Variants in CORO2B observed in about 807,000 individuals in gnomAD.
The protein encoded by CORO2B is coronin-2B.
Under a neutral mutation model 58.8 loss-of-function variants are expected in CORO2B, and 26 were observed. That is an observed-to-expected ratio of 0.44 (90% CI 0.32 to 0.61). The LOEUF is 0.61. Among genes scored for constraint, CORO2B ranks in the 20% least tolerant of loss-of-function variants. CORO2B has a pLI of 0.04. For synonymous variants in CORO2B, 242 were observed against 253.8 expected, an observed-to-expected ratio of 0.95 and a Z score of 0.44; for missense variants, 460 against 645.1, an observed-to-expected ratio of 0.71 and a Z score of 3.11.
intron 1 of CORO2B, among the ~76,000 whole-genome samples, chr15:68,639,750 C>T (rs551911113): frequency 6.6e-6 from 1 of 152,302 alleles, no homozygotes; most frequent in African/African-American, 2.4e-5. Flanking sequence ...GCAGCTCTAA[C>T]CATTAAGAAA....
At chr15:68,547,434 C>A in the CORO2B span, among the ~76,000 whole-genome samples, 1 of 152,200 alleles carries the variant, frequency 6.6e-6, no homozygotes, top group African/African-American at 2.4e-5. Context: ...CAGGCATGCA[C>A]AACTCTATCA....
intron 1 of CORO2B, among the ~76,000 whole-genome samples, chr15:68,598,812 G>A (rs1028625399): frequency 6.6e-6 from 1 of 152,308 alleles, no homozygotes; most frequent in South Asian, 2.1e-4. Context: ...GAAAGTTTCT[G>A]TTCTGTCCAG....
rs1326134695 is a variant in CORO2B, at chr15:68,645,132, G to A, written c.16-28G>A. The A allele has an allele frequency of 1.2e-6, 2 of 1,610,470 alleles. No homozygotes were observed. The highest frequency in any genetic ancestry group is 1.7e-6 in the Non-Finnish European group (2 of 1,178,220). ...CCCTTCATGGCACAGGGCCCAGCCTGACCCTTGTCTCTCCTGGCCCCTCAC... is the reference window on the plus strand; with the variant it reads ...CCCTTCATGGCACAGGGCCCAGCCTAACCCTTGTCTCTCCTGGCCCCTCAC... On this transcript the variant is annotated intron_variant, in intron 1 of 11. Transcript: ENST00000261861. This position sits in a 1 kb window ranked among gnomAD's most constrained non-coding sequence, Gnocchi z 4.5.
chr15:68,562,852 C>T, the CORO2B span, among the ~76,000 whole-genome samples: 124 of 151,832 alleles, frequency 8.2e-4, no homozygotes, highest in Non-Finnish European at 1.3e-3. Flanking sequence ...TGGCAGGCGC[C>T]GGTAGAACCA....
chr15:68,610,923 C>T (rs1900232626), intron 1 of CORO2B, among the ~76,000 whole-genome samples: 1 of 152,180 alleles, frequency 6.6e-6, no homozygotes, highest in South Asian at 2.1e-4. Flanking sequence ...ACCTTCCATT[C>T]CACACCCTCG....
chr15:68,579,821 G>A (rs1899382839), intron 1 of CORO2B, among the ~76,000 whole-genome samples: 1 of 152,260 alleles, frequency 6.6e-6, no homozygotes, highest in Non-Finnish European at 1.5e-5. Flanking sequence ...CAGAGACAGG[G>A]CAGGTCCAGG....
intron 2 of CORO2B, among the ~76,000 whole-genome samples, chr15:68,674,581 G>A (rs920245505): frequency 1.3e-5 from 2 of 152,180 alleles, no homozygotes; most frequent in Non-Finnish European, 2.9e-5. Flanking sequence ...TCAAGCAAGT[G>A]CCCTCCCCAA....
At chr15:68,644,963 CA>C (rs1343425599) in intron 1 of CORO2B, among the ~76,000 whole-genome samples, 196 bp from the exon 2 acceptor site, 1 of 152,170 alleles carries the variant, frequency 6.6e-6, no homozygotes. Flanking sequence ...AGATGAAACC[CA>C]CTAGAACGGG....
At chr15:68,638,716 T>C (rs1901113489) in intron 1 of CORO2B, among the ~76,000 whole-genome samples, 1 of 152,222 alleles carries the variant, frequency 6.6e-6, no homozygotes, top group African/African-American at 2.4e-5. Context: ...TTTTGATAGC[T>C]TGTGACTTTG....
chr15:68,653,586 G>A (rs112987625), intron 2 of CORO2B, among the ~76,000 whole-genome samples: 7,458 of 152,216 alleles, frequency 0.049, 408 homozygotes, highest in African/African-American at 0.14. Context: ...TCCCCTGAAA[G>A]CCCTTAGAAC....
intron 2 of CORO2B, among the ~76,000 whole-genome samples, chr15:68,650,378 A>ATGGAG (rs1901603454): frequency 8.5e-5 from 2 of 23,664 alleles, no homozygotes; most frequent in African/African-American, 4.2e-4. Context: ...AAAAAAAAAA[A>ATGGAG]AAAAAAAAAA....
chr15:68,600,164 C>CCT (rs1019966746), intron 1 of CORO2B, among the ~76,000 whole-genome samples: 1 of 152,192 alleles, frequency 6.6e-6, no homozygotes, highest in African/African-American at 2.4e-5. Context: ...AACAAACAAG[C>CCT]CTCCATCTAA....
chr15:68,552,859 G>A, the CORO2B span, among the ~76,000 whole-genome samples: 1 of 152,218 alleles, frequency 6.6e-6, no homozygotes, highest in African/African-American at 2.4e-5. Context: ...GAGCAGACAG[G>A]AAGGAAGCAG....
chr15:68,612,387 A>C (rs72746591), intron 1 of CORO2B, among the ~76,000 whole-genome samples: 15,680 of 152,122 alleles, frequency 0.1, 1,306 homozygotes, highest in African/African-American at 0.23. Context: ...GGTGTGCGTG[A>C]GAAGGGGCAG....
chr15:68,575,579 C>T (rs1392400527), upstream of CORO2B, among the ~76,000 whole-genome samples: 2 of 85,428 alleles, frequency 2.3e-5, no homozygotes, highest in African/African-American at 6.8e-5. Flanking sequence ...TGTGATCTGC[C>T]CCCGCCTCGG....
At chr15:68,639,429 G>C (rs942854090) in intron 1 of CORO2B, among the ~76,000 whole-genome samples, 2 of 152,212 alleles carry the variant, frequency 1.3e-5, no homozygotes, top group Non-Finnish European at 2.9e-5. Context: ...CCTAAAAGGA[G>C]GTGGCTATTG....
chr15:68,544,115 C>T, the CORO2B span, among the ~76,000 whole-genome samples: 1 of 152,210 alleles, frequency 6.6e-6, no homozygotes, highest in Non-Finnish European at 1.5e-5. Flanking sequence ...AGACAGACAA[C>T]CATGCAGTGC....
At position 68,691,624 on chromosome 15, in the gene CORO2B, C is replaced by CAAAAAAAAAAA. The variant is rs57879519; in HGVS notation, c.217-3504_217-3494dup. 2.3e-4 allele frequency among the ~76,000 whole-genome samples: 6 copies of CAAAAAAAAAAA among 25,752 alleles called. 1 individual carries two copies. The highest frequency in any genetic ancestry group is 1.1e-3 in the Admixed American group (1 of 952). 16.9% of individuals were successfully genotyped at this position (25,752 alleles called of 152,430 possible). A position where few individuals can be genotyped will look rare whatever the true frequency, so the allele number is the denominator to read the frequency against. ...TGGGCGACAGAGCGAGACTCCGTCT[C>CAAAAAAAAAAA]AAAAAAAAAAAAAAAAAAAAAAGAA... is the stretch of plus-strand genomic sequence containing the variant. On this transcript the variant is annotated intron_variant, in intron 2 of 11. Transcript: ENST00000261861.
intron 1 of CORO2B, among the ~76,000 whole-genome samples, chr15:68,620,103 G>C (rs916944828): frequency 6.6e-6 from 1 of 152,040 alleles, no homozygotes; most frequent in African/African-American, 2.4e-5. Flanking sequence ...GTAGAGACGG[G>C]GTTTCACCAT....
Sources: allele counts gnomAD v4.1 joint callset (sites outside exome capture counted in the v4.1 genomes callset), GRCh38; gene constraint gnomAD v4.1.1; non-coding constraint Gnocchi (gnomAD v3.1); transcripts MANE v1.5; gene names NCBI Gene and HGNC (gene_info 2026-07-23, HGNC 2026-07-21).